Variants in NCAM1 observed in about 807,000 individuals in gnomAD.
The protein encoded by NCAM1 is antigen recognized by monoclonal antibody 5.1H11.
NCAM1 carries 14 observed loss-of-function variants against 109.8 expected under a neutral mutation model. That is an observed-to-expected ratio of 0.13 (90% CI 0.08 to 0.20). NCAM1 has a LOEUF of 0.20. NCAM1 is among the 10% of genes least tolerant of loss of function. NCAM1 has a pLI of 1.00. For missense variants in NCAM1, 774 were observed against 1,109.9 expected, an observed-to-expected ratio of 0.70 and a Z score of 4.30; for synonymous variants, 418 against 442.9, an observed-to-expected ratio of 0.94 and a Z score of 0.70.
At chr11:112,976,417 G>A (rs2155285) in intron 1 of NCAM1, among the ~76,000 whole-genome samples, 23,477 of 151,598 alleles carry the variant, frequency 0.15, 1,910 homozygotes, top group African/African-American at 0.21. Context: ...ATTATTAAAT[G>A]TACAAAGGAG....
chr11:113,200,414 CTG>C (rs1178930973), intron 1 of NCAM1, among the ~76,000 whole-genome samples: 2 of 152,134 alleles, frequency 1.3e-5, no homozygotes, highest in South Asian at 2.1e-4. Flanking sequence ...CATGGGCTCT[CTG>C]TGTTCTGTTA....
intron 1 of NCAM1, among the ~76,000 whole-genome samples, chr11:113,004,049 A>C (rs1372167224): frequency 6.6e-6 from 1 of 152,240 alleles, no homozygotes; most frequent in African/African-American, 2.4e-5. Flanking sequence ...ATTGTTGCGC[A>C]TGCTTTCTTC....
At chr11:113,055,972 A>C (rs1953682829) in intron 1 of NCAM1, among the ~76,000 whole-genome samples, 1 of 105,362 alleles carries the variant, frequency 9.5e-6, no homozygotes, top group African/African-American at 3.5e-5. Context: ...TGGATAAAGA[A>C]AATGTGATAT....
chr11:113,224,324 C>A (rs1200671008), intron 9 of NCAM1, among the ~76,000 whole-genome samples: 3 of 152,240 alleles, frequency 2.0e-5, no homozygotes, highest in Middle Eastern at 3.2e-3. Flanking sequence ...CCCACGGAGC[C>A]TCGCTCATTG....
At chr11:113,275,212 G>A (rs1271763089) in intron 19 of NCAM1, 55 bp from the exon 20 acceptor site, 7 of 1,606,162 alleles carry the variant, frequency 4.4e-6, no homozygotes, top group Non-Finnish European at 6.0e-6. Context: ...GGATGCAGGG[G>A]CGAGATGTCT....
chr11:112,971,851 T>C (rs1950891014), intron 1 of NCAM1, among the ~76,000 whole-genome samples: 1 of 152,184 alleles, frequency 6.6e-6, no homozygotes, highest in Non-Finnish European at 1.5e-5. Flanking sequence ...CTGAAAATTA[T>C]ATAAAAATCA....
At chr11:113,120,546 A>G (rs989683377) in intron 1 of NCAM1, among the ~76,000 whole-genome samples, 1 of 152,132 alleles carries the variant, frequency 6.6e-6, no homozygotes, top group African/African-American at 2.4e-5. Context: ...CACGCTTTGC[A>G]CTGATTCATG....
intron 1 of NCAM1, among the ~76,000 whole-genome samples, chr11:113,118,059 G>A (rs773718355): frequency 6.6e-6 from 1 of 151,906 alleles, no homozygotes; most frequent in African/African-American, 2.4e-5. Flanking sequence ...TTAGGGATCA[G>A]GAGGTTACCA....
chr11:113,005,719 C>T lies in NCAM1; in HGVS notation c.52+44055C>T, dbSNP rs117578004. Among the ~76,000 whole-genome samples the T allele has an allele frequency of 1.3e-4, 20 of 152,270 alleles. No homozygotes were observed. The East Asian group carries it at 3.5e-3, about 26-fold the overall frequency. On this transcript the variant is annotated intron_variant, in intron 1 of 19. Transcript: ENST00000316851. ...TCTGCTCATTTTACAGACTTTCAGA[C>T]AATGCATCTATTTTCAGCTTCTGTC...
intron 1 of NCAM1, among the ~76,000 whole-genome samples, chr11:113,164,778 A>AT (rs1181780444): frequency 6.6e-6 from 1 of 152,010 alleles, no homozygotes; most frequent in Non-Finnish European, 1.5e-5. Flanking sequence ...CACTTCAGAG[A>AT]TTTTTATGGA....
chr11:113,176,476 G>A (rs1310651027), intron 1 of NCAM1, among the ~76,000 whole-genome samples: 2 of 152,172 alleles, frequency 1.3e-5, no homozygotes, highest in African/African-American at 4.8e-5. Flanking sequence ...TGATTGAATT[G>A]TATTCTATAA....
chr11:113,004,850 C>T (rs572887491), intron 1 of NCAM1, among the ~76,000 whole-genome samples: 1 of 150,298 alleles, frequency 6.7e-6, no homozygotes, highest in African/African-American at 2.4e-5. Flanking sequence ...TCTGCCTCTT[C>T]TCTAATTTTT....
chr11:113,231,274 G>A (rs1350535893), intron 9 of NCAM1: 4 of 1,535,946 alleles, frequency 2.6e-6, no homozygotes, highest in African/African-American at 2.7e-5. Context: ...ATCTCATGAG[G>A]TAGGGCTGCT....
In NCAM1 at chr11:113,126,987, T is replaced by G. The variant is rs191886173; in HGVS notation, c.53-75392T>G. On this transcript the variant is annotated intron_variant, in intron 1 of 19. Transcript: ENST00000316851. ...TCTCTAGAGGATAAATCCTCCCTCC[T>G]GTTTGTTTTCTGTGCCTCTTTCCTG... 3.9e-4 allele frequency among the ~76,000 whole-genome samples: 59 copies of G among 152,364 alleles called. No individual in the cohort carries two copies. The East Asian group carries it at 7.9e-3, about 20-fold the overall frequency.
intron 1 of NCAM1, among the ~76,000 whole-genome samples, chr11:113,021,541 A>C (rs1952384883): frequency 6.6e-6 from 1 of 152,242 alleles, no homozygotes; most frequent in African/African-American, 2.4e-5. Flanking sequence ...TCTCAGAGAC[A>C]ATCAGCTTTG....
chr11:113,032,788 A>G (rs928623013), intron 1 of NCAM1, among the ~76,000 whole-genome samples: 19 of 152,364 alleles, frequency 1.2e-4, no homozygotes, highest in African/African-American at 3.4e-4. Flanking sequence ...TTTTCTATGC[A>G]GTAAGTTTCC....
intron 1 of NCAM1, among the ~76,000 whole-genome samples, chr11:113,075,500 A>C (rs1265242758): frequency 6.6e-6 from 1 of 152,150 alleles, no homozygotes; most frequent in Non-Finnish European, 1.5e-5. Context: ...TATCATTCTC[A>C]CATTCCTTAG....
At position 113,200,831 on chromosome 11, in the gene NCAM1, AG is replaced by A. The variant is rs1382105862; in HGVS notation, c.53-1544del. 3.3e-5 allele frequency among the ~76,000 whole-genome samples: 5 copies of A among 152,290 alleles called. No homozygotes were observed. In the East Asian group the frequency reaches 9.7e-4, roughly 30 times the overall value. On this transcript the variant is annotated intron_variant, in intron 1 of 19. Coordinates refer to ENST00000316851, the MANE Select transcript of NCAM1 (RefSeq NM_181351.5). ...TGCTGCGACCACATTCAGGAGAGGCAGGGGAAGACTTTTTATTGCTCTCAGG... is the reference window on the plus strand; with the variant it reads ...TGCTGCGACCACATTCAGGAGAGGCAGGGAAGACTTTTTATTGCTCTCAGG...
chr11:112,975,625 C>G (rs1950987007), intron 1 of NCAM1, among the ~76,000 whole-genome samples: 2 of 151,882 alleles, frequency 1.3e-5, no homozygotes, highest in African/African-American at 4.8e-5. Context: ...AGAAAACCAT[C>G]TGTCATAATG....
Sources: allele counts gnomAD v4.1 joint callset (sites outside exome capture counted in the v4.1 genomes callset), GRCh38; gene constraint gnomAD v4.1.1; transcripts MANE v1.5; gene names NCBI Gene and HGNC (gene_info 2026-07-23, HGNC 2026-07-21).